The following TARM1 variants were observed in gnomAD, a reference collection of about 807,000 sequenced individuals.
TARM1 encodes T-cell-interacting, activating receptor on myeloid cells protein 1.
TARM1 carries 24 observed loss-of-function variants against 30.4 expected under a neutral mutation model. The ratio of observed to expected loss-of-function variants is 0.79; its 90% CI spans 0.57 to 1.11. The LOEUF (loss-of-function observed/expected upper bound fraction) is 1.11. Ranked by LOEUF, TARM1 falls within the 50% of genes least tolerant of loss-of-function variation. The probability of loss-of-function intolerance (pLI) is 0.00; values close to 1 mark genes in which losing one functional copy is unlikely to be tolerated. For missense variants in TARM1, 323 were observed against 332.8 expected, an observed-to-expected ratio of 0.97 and a Z score of 0.23; for synonymous variants, 129 against 138.9, an observed-to-expected ratio of 0.93 and a Z score of 0.50.
intron 1 of TARM1, chr19:54,076,579 T>C (rs1274225916): frequency 5.3e-6 from 1 of 190,266 alleles, no homozygotes; most frequent in Non-Finnish European, 1.1e-5. Flanking sequence ...GCCAGGCTGG[T>C]CTCGAACTCC....
chr19:54,081,030 C>T (rs1215820124), intron 1 of TARM1, among the ~76,000 whole-genome samples: 1 of 152,140 alleles, frequency 6.6e-6, no homozygotes, highest in African/African-American at 2.4e-5. Flanking sequence ...CTTTTACTTA[C>T]ACACAAAAAG....
At chr19:54,081,190 A>T in intron 1 of TARM1, 117 bp downstream of exon 1, 1 of 937,298 alleles carries the variant, frequency 1.1e-6, no homozygotes, top group Non-Finnish European at 1.7e-6. Context: ...AGGACGTCTC[A>T]CTCCTCCCGT....
At chr19:54,072,425 G>A (rs2071834897) in intron 4 of TARM1, among the ~76,000 whole-genome samples, 1 of 152,104 alleles carries the variant, frequency 6.6e-6, no homozygotes, top group African/African-American at 2.4e-5. Context: ...AAGAATTCTA[G>A]CAGTCAATAA....
intron 1 of TARM1, among the ~76,000 whole-genome samples, chr19:54,081,047 T>G (rs587758222): frequency 6.6e-6 from 1 of 152,114 alleles, no homozygotes; most frequent in East Asian, 1.9e-4. Context: ...AAAGTCAGAG[T>G]TGATCCTGAG....
intron 1 of TARM1, chr19:54,076,237 TTTTCTTTCC>T: frequency 1.3e-6 from 2 of 1,508,326 alleles, no homozygotes; most frequent in South Asian, 2.5e-5. Flanking sequence ...CTTTCTTTCT[TTTTCTTTCC>T]TTTCTTTCTT....
At position 54,074,143 on chromosome 19, in the gene TARM1, C is replaced by A; in HGVS notation, c.435G>T (p.Gln145His). ...CAAACAATTGGTCTCGCTTCTGGCA[C>A]TGCAGAGTCACCCTTCCACCTGCGG... is the stretch of plus-strand genomic sequence containing the variant. ...TVTAGGRVTL[Q>H]CQKRDQLFVP... Residue 145 changes from glutamine (Q) to histidine (H), a missense_variant, in exon 4 of 5, where the codon CAG (glutamine) becomes CAT (histidine). Gln to His is a conservative substitution (Grantham distance 24). Transcript: ENST00000432826. 6.4e-7 allele frequency: 1 copy of A among 1,551,714 alleles called. No individual in the cohort carries two copies. The highest frequency in any genetic ancestry group is 8.7e-7 in the Non-Finnish European group (1 of 1,146,998).
rs2071881678 is a variant in TARM1 at position 54,074,089 on chromosome 19, T to C, written c.489A>G (p.Ala163=). 1.9e-6 allele frequency: 3 copies of C among 1,551,706 alleles called. No individual in the cohort carries two copies. The East Asian group carries it at 7.3e-5, about 38-fold the overall frequency. Residue 163 remains alanine, a synonymous_variant, in exon 4 of 5, where the codon GCA becomes GCG. Coordinates refer to ENST00000432826, the MANE Select transcript of TARM1 (RefSeq NM_001135686.3). ...GCAGCTGGATGGGTGATGGCGTCCC[T>C]GCCTTCAGTAGAGCGAACATGATAG... ...FVPIMFALLK[A]GTPSPIQLQS... is the part of the protein sequence containing the mutation.
At chr19:54,070,272 T>G (rs569612010) in intron 4 of TARM1, 112 bp from the exon 5 acceptor site, 177,286 of 1,434,932 alleles carry the variant, frequency 0.12, 11,677 homozygotes, top group Middle Eastern at 0.15. Flanking sequence ...TTTTTTGGTT[T>G]TTTTTTTTGA....
At chr19:54,072,960 A>G (rs1156234471) in intron 4 of TARM1, among the ~76,000 whole-genome samples, 1 of 152,132 alleles carries the variant, frequency 6.6e-6, no homozygotes, top group Non-Finnish European at 1.5e-5. Context: ...CCTGGGCAAC[A>G]GAGCGAGACT....
At chr19:54,074,361 C>T (rs779974269) in intron 3 of TARM1, 145 bp from the exon 4 acceptor site, 10 of 800,322 alleles carry the variant, frequency 1.2e-5, no homozygotes, top group Middle Eastern at 3.6e-4. Flanking sequence ...CCTACTCCGA[C>T]CCCAGGACAG....
intron 4 of TARM1, 66 bp downstream of exon 4, chr19:54,073,854 G>A: frequency 6.7e-7 from 1 of 1,486,042 alleles, no homozygotes; most frequent in East Asian, 2.5e-5. Context: ...GAGATTCACA[G>A]AAGAACAAAA....
intron 1 of TARM1, chr19:54,076,183 C>G: frequency 2.0e-6 from 3 of 1,505,782 alleles, no homozygotes; most frequent in Non-Finnish European, 2.6e-6. Flanking sequence ...TCCTTCCATT[C>G]TCATCTTCTG....
intron 4 of TARM1, among the ~76,000 whole-genome samples, chr19:54,072,793 A>G (rs2071844114): frequency 1.3e-5 from 2 of 151,964 alleles, no homozygotes; most frequent in South Asian, 4.2e-4. Flanking sequence ...CCTGGTCAAC[A>G]TGGTCAGAAC....
chr19:54,071,148 G>C (rs2071801356), intron 4 of TARM1, among the ~76,000 whole-genome samples: 1 of 151,928 alleles, frequency 6.6e-6, no homozygotes, highest in African/African-American at 2.4e-5. Flanking sequence ...AATAGAGATG[G>C]GTTTTCGCCA....
intron 1 of TARM1, among the ~76,000 whole-genome samples, chr19:54,080,351 GGGAGGCTGA>G (rs1361673282): frequency 6.7e-6 from 1 of 149,688 alleles, no homozygotes; most frequent in Non-Finnish European, 1.5e-5. Context: ...CCAGCTACTC[GGGAGGCTGA>G]GGCAGGAGAA....
rs2071911295 is a variant in TARM1 at position 54,074,992 on chromosome 19, T to C, written c.193A>G (p.Ile65Val). 3 of 1,551,370 alleles carry C rather than the reference T, an allele frequency of 1.9e-6. No individual in the cohort carries two copies. The highest frequency in any genetic ancestry group is 2.6e-6 in the Non-Finnish European group (3 of 1,146,966). Reference protein sequence around the residue: ...GVSFVLRKGGIILESPKPLDS... With the variant: ...GVSFVLRKGGVILESPKPLDS... ...AGGGGCTTCGGGGACTCCAGAATAA[T>C]TCCTCCCTTCCTGAGAACAAAGCTC... The change falls in exon 3 of 5, where the codon ATT (isoleucine) becomes GTT (valine). Residue 65 changes from isoleucine to valine, a missense_variant. Physicochemically the swap from Ile to Val is conservative, Grantham distance 29. Coordinates refer to ENST00000432826, the MANE Select transcript of TARM1 (RefSeq NM_001135686.3).
chr19:54,073,309 T>G (rs1376517085), intron 4 of TARM1, among the ~76,000 whole-genome samples: 1 of 141,242 alleles, frequency 7.1e-6, no homozygotes, highest in Admixed American at 7.6e-5. Flanking sequence ...CCTGGGAGGC[T>G]GAGGCAGGAG....
At chr19:54,070,487 C>T (rs367774656) in intron 4 of TARM1, among the ~76,000 whole-genome samples, 1 of 145,700 alleles carries the variant, frequency 6.9e-6, no homozygotes, top group Non-Finnish European at 1.5e-5. Context: ...CTTGAACTCC[C>T]GACCTCAGGT....
chr19:54,070,523 G>C (rs1360776436), intron 4 of TARM1, among the ~76,000 whole-genome samples: 2 of 151,678 alleles, frequency 1.3e-5, no homozygotes, highest in Non-Finnish European at 2.9e-5. Context: ...GCCTCCCAAA[G>C]TGCTGGGATT....
Sources: allele counts gnomAD v4.1 joint callset (sites outside exome capture counted in the v4.1 genomes callset), GRCh38; gene constraint gnomAD v4.1.1; transcripts MANE v1.5; gene names NCBI Gene and HGNC (gene_info 2026-07-23, HGNC 2026-07-21).